The following OCA2 variants were observed in gnomAD, a reference collection of about 807,000 sequenced individuals.
OCA2 encodes the protein OCA2 melanosomal transmembrane protein, also known as P protein.
OCA2 carries 77 observed loss-of-function variants against 100.2 expected under a neutral mutation model. The observed-to-expected ratio is 0.77, with a 90% confidence interval of 0.64 to 0.93. The LOEUF (loss-of-function observed/expected upper bound fraction) is 0.93, where lower values mean the gene tolerates loss of function less well. Ranked by LOEUF, OCA2 falls within the 40% of genes least tolerant of loss-of-function variation. The probability of loss-of-function intolerance (pLI) is 0.00; values close to 1 mark genes in which losing one functional copy is unlikely to be tolerated. For synonymous variants in OCA2, 432 were observed against 439.2 expected (o/e 0.98, Z 0.21); for missense variants, 1,062 against 1,089.1 (o/e 0.98, Z 0.35).
rs1206625306 is a variant in OCA2 at position 27,940,188 on chromosome 15, AT to A, written c.1951+11595del. On this transcript the variant is annotated intron_variant, in intron 18 of 23. Coordinates refer to ENST00000354638, the MANE Select transcript of OCA2 (RefSeq NM_000275.3). ...TAGTCACCCCCACTGGTGGGCCACT[AT>A]GTAATATTCTAAAGTACCAGATAAA... is the stretch of plus-strand genomic sequence containing the variant. Among the ~76,000 whole-genome samples, 3 of 152,362 alleles carry A rather than the reference AT, an allele frequency of 2.0e-5. No homozygotes were observed. The East Asian group carries it at 5.8e-4, about 29-fold the overall frequency.
the OCA2 span, among the ~76,000 whole-genome samples, chr15:27,749,658 CTA>C: frequency 2.0e-5 from 3 of 152,076 alleles, no homozygotes; most frequent in African/African-American, 7.2e-5. Flanking sequence ...TATACAGGAT[CTA>C]CACACACAAA....
downstream of OCA2, among the ~76,000 whole-genome samples, chr15:27,752,034 G>A (rs1254523985): frequency 1.3e-5 from 2 of 152,206 alleles, no homozygotes; most frequent in East Asian, 3.9e-4. Context: ...AGGCGCACAT[G>A]CACTGCAGGA....
intron 9 of OCA2, among the ~76,000 whole-genome samples, chr15:28,011,642 A>C (rs1199725252): frequency 6.6e-6 from 1 of 152,138 alleles, no homozygotes; most frequent in South Asian, 2.1e-4. Context: ...CTGGCCCGGC[A>C]CAGTGGCTCA....
chr15:28,085,255 C>A (rs995788138), intron 1 of OCA2, among the ~76,000 whole-genome samples: 2 of 152,296 alleles, frequency 1.3e-5, no homozygotes, highest in East Asian at 3.9e-4. Context: ...TTAAACCCCA[C>A]ACACCCTTCC....
intron 22 of OCA2, among the ~76,000 whole-genome samples, chr15:27,847,574 G>A (rs917949165): frequency 8.6e-5 from 13 of 152,028 alleles, no homozygotes; most frequent in South Asian, 2.1e-4. Context: ...AGGAGCCTCC[G>A]GAAAGGAGGC....
chr15:28,049,783 C>T (rs551045162), intron 2 of OCA2, among the ~76,000 whole-genome samples: 2 of 152,204 alleles, frequency 1.3e-5, no homozygotes, highest in Non-Finnish European at 2.9e-5. Flanking sequence ...AAGGAAATTG[C>T]AGGTTCCAGA....
chr15:27,907,080 C>T (rs2038206558), intron 19 of OCA2, among the ~76,000 whole-genome samples: 1 of 152,162 alleles, frequency 6.6e-6, no homozygotes, highest in Non-Finnish European at 1.5e-5. Flanking sequence ...TCCCATCAGG[C>T]CCCACCTCCA....
intron 9 of OCA2, among the ~76,000 whole-genome samples, chr15:27,996,675 T>G (rs117003001): frequency 0.041 from 6,183 of 151,880 alleles, 221 homozygotes; most frequent in South Asian, 0.14. Flanking sequence ...ATTACATGCC[T>G]ACAAATTGAT....
intron 22 of OCA2, among the ~76,000 whole-genome samples, chr15:27,845,416 C>G (rs997575755): frequency 6.6e-6 from 1 of 152,178 alleles, no homozygotes; most frequent in Non-Finnish European, 1.5e-5. Context: ...CAGTCTCAGA[C>G]AGGAACCACC....
chr15:28,093,110 T>C (rs1208701625), intron 1 of OCA2, among the ~76,000 whole-genome samples: 1 of 151,968 alleles, frequency 6.6e-6, no homozygotes, highest in Non-Finnish European at 1.5e-5. Flanking sequence ...AAATTAAAAC[T>C]ATGAGCTATC....
At chr15:27,927,212 C>T (rs2039074986) in intron 18 of OCA2, among the ~76,000 whole-genome samples, 1 of 152,122 alleles carries the variant, frequency 6.6e-6, no homozygotes, top group African/African-American at 2.4e-5. Flanking sequence ...TTGCTTGAAC[C>T]TGGGAGGCAG....
intron 1 of OCA2, among the ~76,000 whole-genome samples, chr15:28,083,542 T>C (rs1219938103): frequency 6.6e-6 from 1 of 152,182 alleles, no homozygotes; most frequent in African/African-American, 2.4e-5. Flanking sequence ...AAAGTACAAA[T>C]GTACATACCA....
intron 23 of OCA2, among the ~76,000 whole-genome samples, chr15:27,810,175 T>C (rs545892599): frequency 7.6e-4 from 115 of 152,300 alleles, no homozygotes; most frequent in African/African-American, 2.6e-3. Context: ...AGTAGGCACA[T>C]AGACCAATGA....
the OCA2 span, among the ~76,000 whole-genome samples, chr15:27,730,580 C>A: frequency 1.3e-5 from 2 of 149,286 alleles, no homozygotes; most frequent in East Asian, 3.9e-4. Flanking sequence ...CCTCTAATCA[C>A]GCCTTGGTGT....
At chr15:27,900,274 C>G (rs4778204) in intron 19 of OCA2, among the ~76,000 whole-genome samples, 39,300 of 151,952 alleles carry the variant, frequency 0.26, 5,901 homozygotes, top group East Asian at 0.56. Flanking sequence ...GATATATGAA[C>G]AAGCATGTAC....
At chr15:28,038,985 G>T (rs1486168579) in intron 2 of OCA2, among the ~76,000 whole-genome samples, 1 of 152,198 alleles carries the variant, frequency 6.6e-6, no homozygotes, top group Admixed American at 6.5e-5. Context: ...GATGAGAAAA[G>T]ATATTTCAAT....
intron 23 of OCA2, among the ~76,000 whole-genome samples, chr15:27,837,058 C>A (rs2035180624): frequency 1.3e-5 from 2 of 152,176 alleles, no homozygotes. Context: ...CTTTAATTGA[C>A]TGGTGTATCT....
At chr15:27,831,374 T>C (rs1437398876) in intron 23 of OCA2, among the ~76,000 whole-genome samples, 2 of 149,756 alleles carry the variant, frequency 1.3e-5, no homozygotes, top group East Asian at 4.0e-4. Context: ...TCCAGCAAAG[T>C]AGCTGCATTT....
chr15:28,020,464 G>A (rs2042558535), intron 6 of OCA2, among the ~76,000 whole-genome samples: 1 of 152,022 alleles, frequency 6.6e-6, no homozygotes, highest in Admixed American at 6.6e-5. Context: ...CAGGTTCCTG[G>A]GTCAGCCTGG....
Sources: allele counts gnomAD v4.1 joint callset (sites outside exome capture counted in the v4.1 genomes callset), GRCh38; gene constraint gnomAD v4.1.1; transcripts MANE v1.5; gene names NCBI Gene and HGNC (gene_info 2026-07-23, HGNC 2026-07-21).